Variants in TAF2 observed in about 807,000 individuals in gnomAD.
TAF2 encodes TATA-box binding protein associated factor 2, also known as transcription initiation factor TFIID subunit 2.
TAF2 carries 61 observed loss-of-function variants against 138.5 expected under a neutral mutation model. The ratio of observed to expected loss-of-function variants is 0.44; its 90% CI spans 0.36 to 0.54. The LOEUF (loss-of-function observed/expected upper bound fraction) is 0.54, where lower values mean the gene tolerates loss of function less well. TAF2 is among the 20% of genes least tolerant of loss of function. The probability of loss-of-function intolerance (pLI) is 0.00; values close to 1 mark genes in which losing one functional copy is unlikely to be tolerated. For missense variants in TAF2, 1,090 were observed against 1,427.9 expected (o/e 0.76, Z 3.81); for synonymous variants, 475 against 469.9 (o/e 1.01, Z -0.14).
intron 2 of TAF2, among the ~76,000 whole-genome samples, chr8:119,824,704 G>A (rs1477845301): frequency 6.6e-6 from 1 of 152,168 alleles, no homozygotes; most frequent in Non-Finnish European, 1.5e-5. Context: ...ACTCCAGCCA[G>A]GGCTGAAAGG....
chr8:119,779,367 AT>A (rs1822485760), intron 17 of TAF2, among the ~76,000 whole-genome samples: 2 of 152,242 alleles, frequency 1.3e-5, no homozygotes, highest in South Asian at 2.1e-4. Context: ...TAAAAAAAAA[AT>A]AAAAATAGAA....
intron 18 of TAF2, among the ~76,000 whole-genome samples, chr8:119,763,982 C>G (rs887847854): frequency 3.9e-5 from 6 of 151,914 alleles, no homozygotes; most frequent in African/African-American, 1.5e-4. Context: ...AACCCTGTCT[C>G]TACTAAAAAT....
intron 1 of TAF2, among the ~76,000 whole-genome samples, chr8:119,832,075 C>T (rs1417917360): frequency 6.6e-6 from 1 of 152,074 alleles, no homozygotes; most frequent in Non-Finnish European, 1.5e-5. Context: ...AGGAGAAAAG[C>T]TTGAACCCGG....
At chr8:119,831,572 C>G in intron 2 of TAF2, 105 bp downstream of exon 2, 1 of 798,558 alleles carries the variant, frequency 1.3e-6, no homozygotes, top group South Asian at 1.9e-5. Context: ...ATTCTTGAAA[C>G]ACAATTATCT....
intron 18 of TAF2, among the ~76,000 whole-genome samples, chr8:119,774,601 T>A (rs549452549): frequency 6.6e-6 from 1 of 152,068 alleles, no homozygotes; most frequent in East Asian, 1.9e-4. Context: ...AGATTGGACA[T>A]CCCTGATTTA....
At chr8:119,764,075 G>A (rs1821259531) in intron 18 of TAF2, among the ~76,000 whole-genome samples, 1 of 151,894 alleles carries the variant, frequency 6.6e-6, no homozygotes, top group African/African-American at 2.4e-5. Context: ...GAATCTGGGA[G>A]GTGGAGGTTG....
At chr8:119,783,938 AT>A (rs1357876759) in intron 15 of TAF2, among the ~76,000 whole-genome samples, 1 of 152,196 alleles carries the variant, frequency 6.6e-6, no homozygotes, top group Non-Finnish European at 1.5e-5. Flanking sequence ...ATCTGAAATT[AT>A]TTTGGTGATT....
Position 119,801,972 on chromosome 8 carries a change from T to C in TAF2, c.614A>G (p.Glu205Gly). 6.2e-7 allele frequency: 1 copy of C among 1,614,176 alleles called. No individual in the cohort carries two copies. The highest frequency in any genetic ancestry group is 8.5e-7 in the Non-Finnish European group (1 of 1,180,036). The change falls in exon 6 of 26, where the codon GAA becomes GGA. Residue 205 changes from glutamate (E) to glycine (G), a missense_variant. Glu to Gly is a moderately conservative substitution (Grantham distance 98). Around this residue, in one of 3 missense-constraint regions of TAF2, gnomAD observed 504 missense variants for 680.9 expected, o/e 0.74. Transcript: ENST00000378164. ...SYSELCTWKL[E>G]FTVDAAMVAV... The stretch of plus-strand genomic sequence containing the variant: ...AACCATTGCAGCATCTACTGTAAAT[T>C]CTAATTTCCATGTACACAATTCAGA...
At chr8:119,811,854 A>G (rs1306354532) in intron 3 of TAF2, among the ~76,000 whole-genome samples, 1 of 152,004 alleles carries the variant, frequency 6.6e-6, no homozygotes, top group African/African-American at 2.4e-5. Context: ...TTAACCTGGA[A>G]CCATGACATA....
chr8:119,778,341 G>A (rs768982964), intron 17 of TAF2, among the ~76,000 whole-genome samples: 2 of 152,202 alleles, frequency 1.3e-5, no homozygotes, highest in Non-Finnish European at 2.9e-5. Context: ...TAAGGGAAGA[G>A]TTCCATGACT....
intron 9 of TAF2, 64 bp from the exon 10 acceptor site, chr8:119,793,515 A>G: frequency 8.7e-7 from 1 of 1,143,334 alleles, no homozygotes; most frequent in South Asian, 1.3e-5. Flanking sequence ...TACATACCAA[A>G]TTTTAGAATT....
intron 22 of TAF2, among the ~76,000 whole-genome samples, chr8:119,752,677 C>A (rs1294953912): frequency 6.6e-6 from 1 of 152,144 alleles, no homozygotes; most frequent in Admixed American, 6.5e-5. Flanking sequence ...ATTTCTCTCT[C>A]GTTGAAAAGT....
At position 119,789,754 on chromosome 8, in the gene TAF2, G is replaced by T; in HGVS notation, c.1414-8C>A. 1 of 1,612,504 alleles carries T rather than the reference G, an allele frequency of 6.2e-7. No individual in the cohort carries two copies. Among genetic ancestry groups the T allele is most frequent in the Admixed American group, 1.7e-5 (1 of 59,982 alleles). The stretch of plus-strand genomic sequence containing the variant: ...TAGCAGTTTATTGAAAACCTGTAAG[G>T]ATAAAATCATTTAGTAAATTCATAT... On this transcript the variant is annotated splice_region_variant and splice_polypyrimidine_tract_variant and intron_variant, in intron 11 of 25. Transcript: ENST00000378164.
At chr8:119,787,102 T>C (rs1188663983) in intron 14 of TAF2, among the ~76,000 whole-genome samples, 1 of 152,086 alleles carries the variant, frequency 6.6e-6, no homozygotes, top group Non-Finnish European at 1.5e-5. Flanking sequence ...GAAGCTACCA[T>C]CAGAGTGAAC....
intron 14 of TAF2, among the ~76,000 whole-genome samples, chr8:119,785,850 T>C (rs1376999448): frequency 2.0e-5 from 3 of 152,122 alleles, no homozygotes; most frequent in African/African-American, 7.2e-5. Flanking sequence ...TACCAAAGAA[T>C]ACTCCAAATG....
chr8:119,821,794 T>G (rs1825819960), intron 2 of TAF2, among the ~76,000 whole-genome samples: 1 of 152,132 alleles, frequency 6.6e-6, no homozygotes, highest in Admixed American at 6.6e-5. Context: ...CCTAGCACTT[T>G]GGGAGGCTGA....
At chr8:119,829,166 A>G (rs1309693164) in intron 2 of TAF2, among the ~76,000 whole-genome samples, 1 of 152,102 alleles carries the variant, frequency 6.6e-6, no homozygotes, top group Non-Finnish European at 1.5e-5. Flanking sequence ...ACCCTACTCA[A>G]TACCCTACGA....
chr8:119,748,355 C>T (rs1820123868), intron 22 of TAF2, among the ~76,000 whole-genome samples: 1 of 151,354 alleles, frequency 6.6e-6, no homozygotes, highest in African/African-American at 2.4e-5. Context: ...TTTACTCTAA[C>T]AGGTAACTAT....
At chr8:119,771,836 T>C (rs1821862486) in intron 18 of TAF2, among the ~76,000 whole-genome samples, 1 of 152,246 alleles carries the variant, frequency 6.6e-6, no homozygotes, top group Non-Finnish European at 1.5e-5. Context: ...CTAGACCAAA[T>C]GGACCTAACA....
Sources: gnomAD v4.1 joint callset for allele counts (sites outside exome capture counted in the v4.1 genomes callset) on GRCh38, gnomAD v4.1.1 for gene constraint, gnomAD v4.1.1 regional missense constraint, MANE v1.5 for transcripts, NCBI Gene and HGNC (gene_info 2026-07-23, HGNC 2026-07-21) for gene names.